NIPAL3: variants seen among roughly 807,000 people sequenced by gnomAD.
NIPAL3 encodes NIPA-like protein 3.
In NIPAL3, 41 loss-of-function variants were observed where a neutral mutation model predicts 47.2. That is an observed-to-expected ratio of 0.87 (90% CI 0.68 to 1.13). The LOEUF is 1.13. NIPAL3 is among the 50% of genes most tolerant of loss of function. The pLI is 0.00. For missense variants in NIPAL3, 449 were observed against 530.1 expected (o/e 0.85, Z 1.50); for synonymous variants, 194 against 209.6 (o/e 0.93, Z 0.64).
At position 24,442,192 on chromosome 1, in the gene NIPAL3, A is replaced by T. The variant is rs777289223; in HGVS notation, c.300A>T (p.Ser100=). The T allele has an allele frequency of 1.2e-6, 2 of 1,613,926 alleles. No homozygotes were observed. Among genetic ancestry groups the T allele is most frequent in the Non-Finnish European group, 1.7e-6 (2 of 1,179,968 alleles). ...CCTCCTACGCCTTCGCGCCGCTGTC[A>T]CTCATCGTGCCCCTCAGCGCAGTTT... is the stretch of plus-strand genomic sequence containing the variant. ...VFASYAFAPL[S]LIVPLSAVSV... is the part of the protein sequence containing the mutation. Residue 100 remains serine (S), a synonymous_variant, in exon 4 of 12, where the codon TCA becomes TCT. Coordinates refer to ENST00000374399, the MANE Select transcript of NIPAL3 (RefSeq NM_020448.5).
At chr1:24,445,139 G>A (rs760074920) in intron 4 of NIPAL3, 46 bp from the exon 5 acceptor site, 1 of 1,407,146 alleles carries the variant, frequency 7.1e-7, no homozygotes, top group Non-Finnish European at 1.0e-6. Context: ...ATGCCCTTTA[G>A]CTGACAGCAG....
chr1:24,439,078 GATT>G lies in NIPAL3; in HGVS notation c.94-1093_94-1091del, dbSNP rs574301675. 9.2e-3 allele frequency among the ~76,000 whole-genome samples: 1,406 copies of G among 152,204 alleles called. 17 individuals carry two copies. The highest frequency in any genetic ancestry group is 0.019 in the South Asian group (90 of 4,818). Reference sequence around the variant, plus strand: ...TGGGGGTGAGAGTTGAAAAATTACCGATTGGGTACTGTGTTCACTTATTTGGGT... The same window carrying G: ...TGGGGGTGAGAGTTGAAAAATTACCGGGGTACTGTGTTCACTTATTTGGGT... On this transcript the variant is annotated intron_variant, in intron 2 of 11. Transcript: ENST00000374399.
intron 9 of NIPAL3, 152 bp from the exon 10 acceptor site, chr1:24,460,329 G>A: frequency 1.6e-6 from 1 of 630,412 alleles, no homozygotes; most frequent in Non-Finnish European, 2.7e-6. Flanking sequence ...CCCCTAAATG[G>A]CTTTTATTCC....
chr1:24,453,022 G>T (rs1348986945), intron 6 of NIPAL3, among the ~76,000 whole-genome samples: 1 of 152,048 alleles, frequency 6.6e-6, no homozygotes, highest in Non-Finnish European at 1.5e-5. Context: ...GACCAAATAG[G>T]TTGGTGAACA....
intron 6 of NIPAL3, among the ~76,000 whole-genome samples, chr1:24,452,373 G>A (rs1293369974): frequency 6.6e-6 from 1 of 152,158 alleles, no homozygotes; most frequent in Non-Finnish European, 1.5e-5. Context: ...TCTGTGCCAC[G>A]CCATCGTGGT....
Position 24,449,484 on chromosome 1 carries a change from G to A in NIPAL3, c.398G>A (p.Arg133His), listed in dbSNP as rs146521285. Residue 133 changes from arginine (R) to histidine (H), a missense_variant, in exon 6 of 12, where the codon CGC becomes CAC. By Grantham distance (29) the Arg-to-His change is conservative. Transcript: ENST00000374399. The surrounding 1 kb of genome is among the most constrained non-coding windows in gnomAD (Gnocchi z 4.5). ...TGACAGCCTCTCTTCCCCGCAGGGC[G>A]CTACGTCTTGTCCTTTGTTGGCTGC... ...EKWKPKDFLR[R>H]YVLSFVGCGL... 2.5e-5 allele frequency: 41 copies of A among 1,613,206 alleles called. No homozygotes were observed. The highest frequency in any genetic ancestry group is 3.3e-5 in the Admixed American group (2 of 60,016).
At chr1:24,436,778 C>T (rs1476469087) in intron 2 of NIPAL3, among the ~76,000 whole-genome samples, 5 of 152,014 alleles carry the variant, frequency 3.3e-5, no homozygotes, top group Admixed American at 2.0e-4. Flanking sequence ...GGATTACAGG[C>T]GTGAGCCACC....
At chr1:24,429,551 T>G (rs1199924524) in intron 2 of NIPAL3, among the ~76,000 whole-genome samples, 1 of 152,252 alleles carries the variant, frequency 6.6e-6, no homozygotes, top group Non-Finnish European at 1.5e-5. Context: ...CACAGAATTT[T>G]ATTCCAAAAT....
chr1:24,463,700 G>A (rs1257428500), intron 10 of NIPAL3, among the ~76,000 whole-genome samples: 1 of 152,164 alleles, frequency 6.6e-6, no homozygotes, highest in Non-Finnish European at 1.5e-5. Flanking sequence ...TTAAGAAAAT[G>A]TTTTAAAAGG....
intron 6 of NIPAL3, among the ~76,000 whole-genome samples, chr1:24,450,329 T>G (rs1557520045): frequency 6.6e-6 from 1 of 152,176 alleles, no homozygotes; most frequent in Non-Finnish European, 1.5e-5. Flanking sequence ...CAAACTTTTA[T>G]GGTAAGGGGA....
Position 24,469,096 on chromosome 1 carries a change from G to A in NIPAL3, c.1132G>A (p.Ala378Thr). The A allele has an allele frequency of 6.2e-7, 1 of 1,614,058 alleles. No individual in the cohort carries two copies. Among genetic ancestry groups the A allele is most frequent in the Non-Finnish European group, 8.5e-7 (1 of 1,180,016 alleles). The change falls in exon 12 of 12, where the codon GCC (alanine) becomes ACC (threonine). Residue 378 changes from alanine to threonine, a missense_variant. Transcript: ENST00000374399. ...CAACATTTCTGAGATCTACGCTCCT[G>A]CCACCCTGCCAGTCATGCAAGAAGA... ...NDNISEIYAPATLPVMQEEHG... is the reference protein window; with the variant it reads ...NDNISEIYAPTTLPVMQEEHG...
Position 24,472,372 on chromosome 1 carries a change from C to A in NIPAL3, c.*3187C>A, listed in dbSNP as rs2148876802. The A allele has an allele frequency of 6.6e-6, 1 of 152,316 alleles. No individual in the cohort carries two copies. Among genetic ancestry groups the A allele is most frequent in the South Asian group, 2.1e-4 (1 of 4,828 alleles). The allele number at this position is 152,316 out of a possible 1,614,324, so 9.4% of individuals were successfully genotyped here. ...TATAAATGGACTGTCTGCTGATGGC[C>A]ATACGCAGCACTGGCTGTTAAGATG... On this transcript the variant is annotated 3_prime_UTR_variant, in exon 12 of 12. Transcript: ENST00000374399.
At chr1:24,438,350 G>C (rs1645220367) in intron 2 of NIPAL3, among the ~76,000 whole-genome samples, 1 of 152,162 alleles carries the variant, frequency 6.6e-6, no homozygotes, top group Non-Finnish European at 1.5e-5. Context: ...CTAGACTGGG[G>C]TCCCCTGGCT....
Position 24,449,439 on chromosome 1 carries a change from C to T in NIPAL3, c.395-42C>T, listed in dbSNP as rs1197884905. On this transcript the variant is annotated intron_variant, in intron 5 of 11. Transcript: ENST00000374399. This position sits in a 1 kb window ranked among gnomAD's most constrained non-coding sequence, Gnocchi z 4.5. Reference sequence around the variant, plus strand: ...TGAGAACGTGTACTGTATCTTGGGCCTGTTGTTGCAATGAGTCCGTGACAG... The same window carrying T: ...TGAGAACGTGTACTGTATCTTGGGCTTGTTGTTGCAATGAGTCCGTGACAG... The T allele has an allele frequency of 6.2e-7, 1 of 1,608,082 alleles. No homozygotes were observed. Among genetic ancestry groups the T allele is most frequent in the Non-Finnish European group, 8.5e-7 (1 of 1,176,670 alleles).
chr1:24,458,577 C>T (rs195719), intron 8 of NIPAL3, among the ~76,000 whole-genome samples: 31,149 of 149,306 alleles, frequency 0.21, 3,373 homozygotes, highest in East Asian at 0.28. Flanking sequence ...GGTGGGGATA[C>T]GGGGGGTGAG....
Position 24,468,936 on chromosome 1 carries a change from C to T in NIPAL3, c.1022-50C>T, listed in dbSNP as rs531905020. ...GCGGGATAGAGGGAGATGCGGCCTC[C>T]TTGGCCCCCTTACCGCGTAATGATT... On this transcript the variant is annotated intron_variant, in intron 11 of 11. Transcript: ENST00000374399. The T allele has an allele frequency of 1.9e-6, 3 of 1,574,256 alleles. No homozygotes were observed. In the East Asian group the frequency reaches 6.7e-5, roughly 35 times the overall value.
At chr1:24,428,258 A>AGAGAGAGAGAGAG (rs1644698366) in intron 2 of NIPAL3, among the ~76,000 whole-genome samples, 1 of 119,478 alleles carries the variant, frequency 8.4e-6, no homozygotes, top group African/African-American at 2.9e-5. Flanking sequence ...CTCAAAAAGA[A>AGAGAGAGAGAGAG]AGAGAGAGAG....
intron 8 of NIPAL3, among the ~76,000 whole-genome samples, chr1:24,457,483 C>A (rs1401921727): frequency 1.3e-5 from 2 of 152,216 alleles, no homozygotes; most frequent in East Asian, 3.9e-4. Context: ...GCTACATGGC[C>A]TCCAGGCACC....
chr1:24,425,940 C>T (rs1476583377), intron 2 of NIPAL3, among the ~76,000 whole-genome samples: 1 of 152,136 alleles, frequency 6.6e-6, no homozygotes, highest in Non-Finnish European at 1.5e-5. Context: ...CTTTAGCCAC[C>T]CTTTCATAGC....
Sources: allele counts gnomAD v4.1 joint callset (sites outside exome capture counted in the v4.1 genomes callset), GRCh38; gene constraint gnomAD v4.1.1; non-coding constraint Gnocchi (gnomAD v3.1); transcripts MANE v1.5; gene names NCBI Gene and HGNC (gene_info 2026-07-23, HGNC 2026-07-21).